TRAPPC9: variants seen among roughly 807,000 people sequenced by gnomAD.
TRAPPC9 encodes the protein IKK2 binding protein.
A neutral mutation model predicts 124.0 loss-of-function variants in TRAPPC9; 83 were observed. The observed-to-expected ratio is 0.67, with a 90% CI of 0.56 to 0.80. TRAPPC9 has a LOEUF of 0.80. Among genes scored for constraint, TRAPPC9 ranks in the 30% least tolerant of loss-of-function variants. The pLI, the probability that TRAPPC9 is intolerant of heterozygous loss-of-function variation, is 0.00. For synonymous variants in TRAPPC9, 638 were observed against 617.5 expected, an observed-to-expected ratio of 1.03 and a Z score of -0.49; for missense variants, 1,302 against 1,508.3, an observed-to-expected ratio of 0.86 and a Z score of 2.27.
chr8:139,844,586 A>G (rs2130902739), intron 21 of TRAPPC9, among the ~76,000 whole-genome samples: 1 of 152,358 alleles, frequency 6.6e-6, no homozygotes, highest in South Asian at 2.1e-4. Flanking sequence ...CACAAACCAC[A>G]GACTCTAAAT....
At chr8:140,135,631 A>G (rs2061290545) in intron 17 of TRAPPC9, among the ~76,000 whole-genome samples, 1 of 152,222 alleles carries the variant, frequency 6.6e-6, no homozygotes, top group Non-Finnish European at 1.5e-5. Flanking sequence ...AGGTGCTAGG[A>G]GTATGGAAGA....
At position 139,742,560 on chromosome 8, in the gene TRAPPC9, A is replaced by C. The variant is rs1475577329; in HGVS notation, c.3056-10358T>G. On this transcript the variant is annotated intron_variant, in intron 21 of 22. Coordinates refer to ENST00000438773, the MANE Select transcript of TRAPPC9 (RefSeq NM_001160372.4). This position sits in a 1 kb window ranked among gnomAD's most constrained non-coding sequence, Gnocchi z 4.7. ...GACCAGGCAAGTCAGGGGCCACCAG[A>C]GAGGGTCAGGACCCAAACTTTGGGC... is the stretch of plus-strand genomic sequence containing the variant. Among the ~76,000 whole-genome samples the C allele has an allele frequency of 1.3e-5, 2 of 152,212 alleles. No homozygotes were observed. Among genetic ancestry groups the C allele is most frequent in the Non-Finnish European group, 2.9e-5 (2 of 68,044 alleles).
At chr8:140,181,426 A>G (rs1031335770) in intron 17 of TRAPPC9, among the ~76,000 whole-genome samples, 4 of 151,994 alleles carry the variant, frequency 2.6e-5, no homozygotes, top group Non-Finnish European at 5.9e-5. Context: ...ACGTCCAGTT[A>G]AGTTTTGTTG....
At chr8:139,738,556 G>A (rs1038260220) in intron 21 of TRAPPC9, among the ~76,000 whole-genome samples, 1 of 152,224 alleles carries the variant, frequency 6.6e-6, no homozygotes, top group African/African-American at 2.4e-5. Flanking sequence ...ACGGGGGAAG[G>A]CGCACAGGGT....
Position 140,140,690 on chromosome 8 carries a change from A to C in TRAPPC9, c.2556+80769T>G, listed in dbSNP as rs554952818. 1.8e-4 allele frequency among the ~76,000 whole-genome samples: 27 copies of C among 152,290 alleles called. No individual in the cohort carries two copies. The East Asian group carries it at 2.9e-3, about 16-fold the overall frequency. On this transcript the variant is annotated intron_variant, in intron 17 of 22. Coordinates refer to ENST00000438773, the MANE Select transcript of TRAPPC9 (RefSeq NM_001160372.4). ...ACATTACCCACATAGCTATCTTCGT[A>C]AAGCAAAGTTGGACCAAGTCAGTTC...
rs879447499 is a variant in TRAPPC9, at chr8:140,353,822, G to A, written c.1495+6228C>T. Among the ~76,000 whole-genome samples, 8 of 152,218 alleles carry A rather than the reference G, an allele frequency of 5.3e-5. No homozygotes were observed. The highest frequency in any genetic ancestry group is 3.9e-4 in the East Asian group (2 of 5,192). On this transcript the variant is annotated intron_variant, in intron 9 of 22. Coordinates refer to ENST00000438773, the MANE Select transcript of TRAPPC9 (RefSeq NM_001160372.4). This position sits in a 1 kb window ranked among gnomAD's most constrained non-coding sequence, Gnocchi z 4.2. ...TCATTCAGCCGGCATTTAAGGACCC[G>A]TAAGGTACCAGGTGCTGCTCCAGAT...
chr8:140,005,839 G>C (rs1587474096), intron 18 of TRAPPC9, among the ~76,000 whole-genome samples: 2 of 151,572 alleles, frequency 1.3e-5, no homozygotes, highest in Admixed American at 6.6e-5. Context: ...TTCAGCCCAG[G>C]AGGTTGAGGC....
intron 11 of TRAPPC9, among the ~76,000 whole-genome samples, chr8:140,298,009 T>G (rs1052753111): frequency 2.6e-5 from 4 of 152,228 alleles, no homozygotes; most frequent in Admixed American, 2.0e-4. Flanking sequence ...GAGTAACTTT[T>G]AGTTACTTCT....
chr8:140,334,896 AT>A (rs2066994242), intron 9 of TRAPPC9, among the ~76,000 whole-genome samples: 1 of 152,138 alleles, frequency 6.6e-6, no homozygotes, highest in Non-Finnish European at 1.5e-5. Flanking sequence ...TAATTTCTTA[AT>A]AACAGGAAAC....
intron 9 of TRAPPC9, among the ~76,000 whole-genome samples, chr8:140,334,422 G>T (rs1465001709): frequency 6.6e-6 from 1 of 152,180 alleles, no homozygotes; most frequent in Non-Finnish European, 1.5e-5. Flanking sequence ...GGCCAAGGCA[G>T]GAGGATCACT....
At chr8:140,382,574 G>A (rs1156469685) in intron 7 of TRAPPC9, among the ~76,000 whole-genome samples, 1 of 152,240 alleles carries the variant, frequency 6.6e-6, no homozygotes, top group East Asian at 1.9e-4. Context: ...TAGCACAGCA[G>A]TCTGAGATCA....
chr8:140,023,872 G>A, intron 18 of TRAPPC9, 65 bp downstream of exon 18: 1 of 1,610,796 alleles, frequency 6.2e-7, no homozygotes, highest in Admixed American at 1.7e-5. Flanking sequence ...ACTGAGGTCA[G>A]GATTCTGAAC....
chr8:140,094,857 G>C (rs749400557), intron 17 of TRAPPC9: 1 of 152,186 alleles, frequency 6.6e-6, no homozygotes, highest in Admixed American at 6.5e-5. Flanking sequence ...AGTCCTACCC[G>C]ACTGGCTTTG....
Position 140,178,127 on chromosome 8 carries a change from T to G in TRAPPC9, c.2556+43332A>C, listed in dbSNP as rs140131507. On this transcript the variant is annotated intron_variant, in intron 17 of 22. Transcript: ENST00000438773. ...CTTTCCAATCTGGGCACATTTTTTG[T>G]TCCTTATGGCACTAACTAGACTATT... Among the ~76,000 whole-genome samples, 441 of 152,276 alleles carry G rather than the reference T, an allele frequency of 2.9e-3. 11 individuals are homozygous for G. Among genetic ancestry groups the G allele is most frequent in the Admixed American group, 0.028 (421 of 15,296 alleles).
intron 20 of TRAPPC9, among the ~76,000 whole-genome samples, chr8:139,895,689 C>T (rs1454445232): frequency 6.6e-6 from 1 of 152,232 alleles, no homozygotes; most frequent in Non-Finnish European, 1.5e-5. Context: ...GTGGGCCTCA[C>T]CCCGGTCAGA....
chr8:140,272,374 G>GTA (rs1563904407), intron 15 of TRAPPC9, among the ~76,000 whole-genome samples: 88 of 143,598 alleles, frequency 6.1e-4, no homozygotes, highest in African/African-American at 2.2e-3. Context: ...TAGTGAGGGT[G>GTA]GTGGTGATGA....
At chr8:140,128,636 G>T (rs931530588) in intron 17 of TRAPPC9, among the ~76,000 whole-genome samples, 1 of 152,238 alleles carries the variant, frequency 6.6e-6, no homozygotes, top group African/African-American at 2.4e-5. Flanking sequence ...ATGATCCCGT[G>T]GGGTGGGGAT....
intron 5 of TRAPPC9, among the ~76,000 whole-genome samples, chr8:140,423,474 CAT>C (rs1272100817): frequency 1.3e-5 from 2 of 151,780 alleles, no homozygotes. Flanking sequence ...CAAACAAACA[CAT>C]GTCCACACAA....
At position 140,151,345 on chromosome 8, in the gene TRAPPC9, C is replaced by T. The variant is rs144162751; in HGVS notation, c.2556+70114G>A. Among the ~76,000 whole-genome samples the T allele has an allele frequency of 1.8e-4, 28 of 152,280 alleles. No homozygotes were observed. In the East Asian group the frequency reaches 4.2e-3, roughly 23 times the overall value. On this transcript the variant is annotated intron_variant, in intron 17 of 22. Coordinates refer to ENST00000438773, the MANE Select transcript of TRAPPC9 (RefSeq NM_001160372.4). ...CTTCCCTATGGGACATCCTTCCTCC[C>T]GCTCTGTATTAGACTGGGAGGGCTG...
Sources: gnomAD v4.1 joint callset for allele counts (sites outside exome capture counted in the v4.1 genomes callset) on GRCh38, gnomAD v4.1.1 for gene constraint, Gnocchi (gnomAD v3.1) non-coding constraint, MANE v1.5 for transcripts, NCBI Gene and HGNC (gene_info 2026-07-23, HGNC 2026-07-21) for gene names.